The following TMC6 variants were observed in gnomAD, a reference collection of about 807,000 sequenced individuals.
The protein encoded by TMC6 is transmembrane channel like 6.
In TMC6, 71 loss-of-function variants were observed where a neutral mutation model predicts 95.4. That is an observed-to-expected ratio of 0.74 (90% CI 0.61 to 0.91). The LOEUF (loss-of-function observed/expected upper bound fraction) is 0.91. Among genes scored for constraint, TMC6 ranks in the 40% least tolerant of loss-of-function variants. The pLI is 0.00. For missense variants in TMC6, 1,074 were observed against 1,079.1 expected (o/e 1.00, Z 0.07); for synonymous variants, 514 against 483.1 (o/e 1.06, Z -0.84).
rs769361838 is a variant in TMC6, at chr17:78,121,573, A to G, written c.1366T>C (p.Ser456Pro). 1.9e-6 allele frequency: 3 copies of G among 1,611,430 alleles called. No individual in the cohort carries two copies. The South Asian group carries it at 3.3e-5, about 18-fold the overall frequency. ...CCCCGCACCTGGATCATGAACTCCG[A>G]GAAGACGTGGACGGCCACGGCGCAG... ...LGCAVAVHVF[S>P]EFMIQSPEAA... The change falls in exon 11 of 20, where the codon TCG becomes CCG. Residue 456 changes from serine (S) to proline (P), a missense_variant. Transcript: ENST00000590602. The surrounding 1 kb of genome is among the most constrained non-coding windows in gnomAD (Gnocchi z 5.6).
intron 15 of TMC6, among the ~76,000 whole-genome samples, chr17:78,118,713 AC>A (rs556876732): frequency 3.0e-4 from 45 of 152,130 alleles, no homozygotes; most frequent in Admixed American, 1.0e-3. Context: ...CCCTGGCCCT[AC>A]CCCTGGCCAG....
Position 78,113,030 on chromosome 17 carries a change from CT to C in TMC6, c.*117del. ...CCTTCCAGCTCCAGCCTAGGCGCAG[CT>C]GCGGCTTTCGAGAGGCGAAACTGTC... On this transcript the variant is annotated 3_prime_UTR_variant, in exon 20 of 20. Coordinates refer to ENST00000590602, the MANE Select transcript of TMC6 (RefSeq NM_001127198.5). 1 of 1,232,958 alleles carries C rather than the reference CT, an allele frequency of 8.1e-7. No homozygotes were observed. The highest frequency in any genetic ancestry group is 1.3e-5 in the South Asian group (1 of 76,284). 76.4% of individuals were successfully genotyped at this position (1,232,958 alleles called of 1,614,324 possible).
chr17:78,127,849 G>A (rs1009584471), intron 1 of TMC6, among the ~76,000 whole-genome samples: 2 of 152,236 alleles, frequency 1.3e-5, no homozygotes, highest in Non-Finnish European at 2.9e-5. Flanking sequence ...CAGTGTCCTG[G>A]GTGCCATCTT....
rs145889026 is a variant in TMC6, at chr17:78,115,944, G to A, written c.2277+1325C>T. ...GGAGTGGGCACAGGGACCAGCTGCCGGGTGGACAGTACTCCTGGGGGCTGC... is the reference window on the plus strand; with the variant it reads ...GGAGTGGGCACAGGGACCAGCTGCCAGGTGGACAGTACTCCTGGGGGCTGC... On this transcript the variant is annotated intron_variant, in intron 18 of 19. Coordinates refer to ENST00000590602, the MANE Select transcript of TMC6 (RefSeq NM_001127198.5). Among the ~76,000 whole-genome samples, 388 of 151,802 alleles carry A rather than the reference G, an allele frequency of 2.6e-3. 2 individuals are homozygous for A. The highest frequency in any genetic ancestry group is 8.2e-3 in the African/African-American group (338 of 41,322).
At chr17:78,126,485 T>G in intron 3 of TMC6, 39 bp downstream of exon 3, 4 of 1,611,608 alleles carry the variant, frequency 2.5e-6, no homozygotes, top group Non-Finnish European at 3.4e-6. Context: ...GGCACCCAAG[T>G]CTTGGTCCAC....
Position 78,121,544 on chromosome 17 carries a change from C to T in TMC6, c.1383+12G>A, listed in dbSNP as rs753893196. ...GTTCCAAGCAAGGGCCAGGCTCCCC[C>T]CATCCCCGCACCTGGATCATGAACT... is the stretch of plus-strand genomic sequence containing the variant. On this transcript the variant is annotated intron_variant, in intron 11 of 19. Transcript: ENST00000590602. This position sits in a 1 kb window ranked among gnomAD's most constrained non-coding sequence, Gnocchi z 5.6. The T allele has an allele frequency of 1.2e-6, 2 of 1,610,968 alleles. No individual in the cohort carries two copies. Among genetic ancestry groups the T allele is most frequent in the Non-Finnish European group, 8.5e-7 (1 of 1,179,684 alleles).
chr17:78,119,507 A>C, intron 13 of TMC6, 115 bp from the exon 14 acceptor site: 1 of 1,057,976 alleles, frequency 9.5e-7, no homozygotes, highest in Non-Finnish European at 1.4e-6. Flanking sequence ...TGGCCGTTCC[A>C]CAGATAATGC....
intron 13 of TMC6, 197 bp downstream of exon 13, chr17:78,120,455 TG>T: frequency 1.2e-6 from 1 of 820,248 alleles, no homozygotes; most frequent in Non-Finnish European, 2.0e-6. Context: ...CCACCATGCC[TG>T]GCCATACACA....
In TMC6 at chr17:78,113,077, G is replaced by C; in HGVS notation, c.*71C>G. On this transcript the variant is annotated 3_prime_UTR_variant, in exon 20 of 20. Transcript: ENST00000590602. Reference sequence around the variant, plus strand: ...CTGTCTTCCTTGTCCTGGTGTCCCAGCAGGGTCACTGGGAGGCAACAGTGT... The same window carrying C: ...CTGTCTTCCTTGTCCTGGTGTCCCACCAGGGTCACTGGGAGGCAACAGTGT... The C allele has an allele frequency of 2.0e-6, 3 of 1,517,130 alleles. No individual in the cohort carries two copies. The highest frequency in any genetic ancestry group is 2.7e-6 in the Non-Finnish European group (3 of 1,117,116). 94.0% of individuals were successfully genotyped at this position (1,517,130 alleles called of 1,614,324 possible). A position where few individuals can be genotyped will look rare whatever the true frequency, so the allele number is the denominator to read the frequency against.
upstream of TMC6, chr17:78,132,129 G>C: frequency 6.6e-7 from 1 of 1,517,446 alleles, no homozygotes. Flanking sequence ...GCCTTCACCC[G>C]GGTCCCCCGA....
At chr17:78,132,400 C>A (rs769970838), upstream of TMC6, 5 of 1,613,028 alleles carry the variant, frequency 3.1e-6, no homozygotes, top group Admixed American at 8.3e-5. Flanking sequence ...CACCTTCCTC[C>A]GCTTCCTGCT....
Position 78,124,701 on chromosome 17 carries a change from C to A in TMC6, c.714G>T (p.Gly238=). Residue 238 remains glycine (G), a synonymous_variant, in exon 8 of 20, where the codon GGG becomes GGT. Coordinates refer to ENST00000590602, the MANE Select transcript of TMC6 (RefSeq NM_001127198.5). Reference sequence around the variant, plus strand: ...AGAGCACGCTGGAGCCGAACTGGCCCCCGATGCGCTTCAGGGCGTAGCGCC... The same window carrying A: ...AGAGCACGCTGGAGCCGAACTGGCCACCGATGCGCTTCAGGGCGTAGCGCC... The part of the protein sequence containing the change: ...MPWRYALKRI[G]GQFGSSVLSY... 1 of 1,599,972 alleles carries A rather than the reference C, an allele frequency of 6.3e-7. No individual in the cohort carries two copies. Among genetic ancestry groups the A allele is most frequent in the East Asian group, 2.3e-5 (1 of 44,178 alleles).
intron 13 of TMC6, chr17:78,120,334 AT>A (rs1195218333): frequency 7.1e-6 from 3 of 424,738 alleles, no homozygotes; most frequent in African/African-American, 6.2e-5. Context: ...TAATTTTTGT[AT>A]TTTTAGTAGA....
At chr17:78,126,721 C>T in intron 2 of TMC6, 56 bp downstream of exon 2, 1 of 1,611,992 alleles carries the variant, frequency 6.2e-7, no homozygotes, top group Non-Finnish European at 8.5e-7. Context: ...CTCAGGTGAC[C>T]TCTCCGTGGG....
rs1198001828 is a variant in TMC6 at position 78,126,867 on chromosome 17, G to C, written c.-35C>G. On this transcript the variant is annotated 5_prime_UTR_variant, in exon 2 of 20. Coordinates refer to ENST00000590602, the MANE Select transcript of TMC6 (RefSeq NM_001127198.5). ...CAATGCCCGCTAGTCTGCAGACCTA[G>C]GGTAGCTCAGAGCCTGGGCGCCACC... is the stretch of plus-strand genomic sequence containing the variant. 5 of 1,608,038 alleles carry C rather than the reference G, an allele frequency of 3.1e-6. No individual in the cohort carries two copies. The East Asian group carries it at 6.7e-5, about 22-fold the overall frequency.
chr17:78,119,730 G>C, intron 13 of TMC6: 1 of 409,912 alleles, frequency 2.4e-6, no homozygotes, highest in South Asian at 2.0e-5. Context: ...GACCTCCTGG[G>C]ATCAAGCAGT....
At position 78,120,715 on chromosome 17, in the gene TMC6, C is replaced by A. The variant is rs1428897660; in HGVS notation, c.1653G>T (p.Arg551=). 1 of 1,614,034 alleles carries A rather than the reference C, an allele frequency of 6.2e-7. No individual in the cohort carries two copies. The highest frequency in any genetic ancestry group is 1.3e-5 in the African/African-American group (1 of 75,068). The change falls in exon 13 of 20, where the codon CGG becomes CGT. Residue 551 remains arginine, a synonymous_variant. Transcript: ENST00000590602. The stretch of plus-strand genomic sequence containing the variant: ...TGAGGACGAAGTCCATCACCAGGAA[C>A]CGGTACAGCTCCTGGCCCACAAAAT... ...WEDFVGQELY[R]FLVMDFVLML...
rs1185653074 is a variant in TMC6, at chr17:78,117,260, G to A, written c.2277+9C>T. On this transcript the variant is annotated intron_variant, in intron 18 of 19. Coordinates refer to ENST00000590602, the MANE Select transcript of TMC6 (RefSeq NM_001127198.5). ...TGGGGGCTGAGAGCAGCCCAGGAGGGGCACTCACATTGCTGATCTGCTCCT... is the reference window on the plus strand; with the variant it reads ...TGGGGGCTGAGAGCAGCCCAGGAGGAGCACTCACATTGCTGATCTGCTCCT... 1.9e-6 allele frequency: 3 copies of A among 1,613,226 alleles called. No individual in the cohort carries two copies. The highest frequency in any genetic ancestry group is 1.3e-5 in the African/African-American group (1 of 74,916).
chr17:78,131,786 G>A (rs932799595), upstream of TMC6: 5 of 1,546,236 alleles, frequency 3.2e-6, no homozygotes. Flanking sequence ...GTGCTGCGAG[G>A]CTGCCCCGTC....
Sources: gnomAD v4.1 joint callset for allele counts (sites outside exome capture counted in the v4.1 genomes callset) on GRCh38, gnomAD v4.1.1 for gene constraint, Gnocchi (gnomAD v3.1) non-coding constraint, MANE v1.5 for transcripts, NCBI Gene and HGNC (gene_info 2026-07-23, HGNC 2026-07-21) for gene names.